The following NAV2 variants were observed in gnomAD, a reference collection of about 807,000 sequenced individuals.
The protein encoded by NAV2 is helicase, APC down-regulated 1.
NAV2 carries 54 observed loss-of-function variants against 223.2 expected under a neutral mutation model. That is an observed-to-expected ratio of 0.24 (90% CI 0.19 to 0.30). The LOEUF (loss-of-function observed/expected upper bound fraction) is 0.30. Among genes scored for constraint, NAV2 ranks in the 10% least tolerant of loss-of-function variants. The pLI is 1.00. For missense variants in NAV2, 2,806 were observed against 3,147.5 expected (o/e 0.89, Z 2.60); for synonymous variants, 1,279 against 1,239.3 (o/e 1.03, Z -0.67).
chr11:20,011,938 C>T (rs2053593800), intron 11 of NAV2, among the ~76,000 whole-genome samples: 1 of 152,190 alleles, frequency 6.6e-6, no homozygotes. Flanking sequence ...TGTGGGCTGC[C>T]AATAAAGCTT....
intron 1 of NAV2, among the ~76,000 whole-genome samples, chr11:19,452,653 G>A (rs1243667780): frequency 1.3e-5 from 2 of 152,158 alleles, no homozygotes; most frequent in African/African-American, 4.8e-5. Context: ...AATGTGCTTA[G>A]AACACTTACA....
In NAV2 at chr11:20,043,976, C is replaced by T; in HGVS notation, c.2908-5C>T. 6.2e-7 allele frequency: 1 copy of T among 1,612,274 alleles called. No homozygotes were observed. The highest frequency in any genetic ancestry group is 8.5e-7 in the Non-Finnish European group (1 of 1,178,456). On this transcript the variant is annotated splice_polypyrimidine_tract_variant and splice_region_variant and intron_variant, in intron 12 of 37. Coordinates refer to ENST00000349880, the MANE Select transcript of NAV2 (RefSeq NM_145117.5). ...AGGACTAATTCAGAGAGTCTCTGTC[C>T]ACAGACTGATGCTGAGAAGCACTCA...
intron 1 of NAV2, among the ~76,000 whole-genome samples, chr11:19,590,099 C>A (rs1435431951): frequency 1.3e-5 from 2 of 152,198 alleles, no homozygotes; most frequent in African/African-American, 2.4e-5. Context: ...AATTACTTAA[C>A]CACTGTGCCG....
chr11:19,853,906 A>T (rs560447091), intron 3 of NAV2, among the ~76,000 whole-genome samples: 1 of 152,174 alleles, frequency 6.6e-6, no homozygotes, highest in Non-Finnish European at 1.5e-5. Context: ...GTAGATGCTC[A>T]CTCAGTGAAT....
At chr11:19,668,441 G>A (rs578096986) in intron 1 of NAV2, among the ~76,000 whole-genome samples, 6 of 138,656 alleles carry the variant, frequency 4.3e-5, no homozygotes, top group South Asian at 2.3e-4. Context: ...GCTGAGGCAC[G>A]AGAATCTCTT....
chr11:19,877,546 C>T (rs2062930419), intron 4 of NAV2, among the ~76,000 whole-genome samples: 2 of 137,494 alleles, frequency 1.5e-5, no homozygotes, highest in South Asian at 2.5e-4. Context: ...GATCTTGGCT[C>T]ACTGCAAGCT....
chr11:19,766,880 C>T (rs2055270269), intron 1 of NAV2, among the ~76,000 whole-genome samples: 2 of 152,070 alleles, frequency 1.3e-5, no homozygotes, highest in Non-Finnish European at 1.5e-5. Context: ...GAGCCTAGGC[C>T]CCTTCCTAGG....
chr11:19,756,232 C>A (rs2054222665), intron 1 of NAV2, among the ~76,000 whole-genome samples: 1 of 152,108 alleles, frequency 6.6e-6, no homozygotes, highest in Non-Finnish European at 1.5e-5. Context: ...CAGACAAGGT[C>A]ATTCTAAGGG....
intron 4 of NAV2, among the ~76,000 whole-genome samples, chr11:19,877,066 C>T (rs2062884159): frequency 6.6e-6 from 1 of 151,968 alleles, no homozygotes; most frequent in African/African-American, 2.4e-5. Flanking sequence ...AGTCAAGTTA[C>T]ACAGTGTTAG....
chr11:20,070,333 C>T (rs563690935), intron 22 of NAV2, among the ~76,000 whole-genome samples: 2 of 152,258 alleles, frequency 1.3e-5, no homozygotes, highest in Admixed American at 1.3e-4. Context: ...AGCTACTCTC[C>T]TAGTTTAAGA....
At chr11:19,848,092 C>A (rs1207205408) in intron 3 of NAV2, among the ~76,000 whole-genome samples, 1 of 152,160 alleles carries the variant, frequency 6.6e-6, no homozygotes, top group Non-Finnish European at 1.5e-5. Flanking sequence ...GGTGCCCCTG[C>A]TGCATAGAGC....
chr11:20,047,020 A>C (rs2057510038), intron 14 of NAV2, among the ~76,000 whole-genome samples: 1 of 152,258 alleles, frequency 6.6e-6, no homozygotes, highest in Admixed American at 6.5e-5. Flanking sequence ...ATAATGAAGC[A>C]GTTCACTGTT....
intron 1 of NAV2, among the ~76,000 whole-genome samples, chr11:19,700,916 G>A (rs1211776945): frequency 6.6e-6 from 1 of 152,196 alleles, no homozygotes; most frequent in African/African-American, 2.4e-5. Context: ...AACATAAAAC[G>A]CTATTAGAAT....
intron 3 of NAV2, among the ~76,000 whole-genome samples, chr11:19,851,020 C>A (rs577296197): frequency 3.3e-4 from 51 of 152,298 alleles, no homozygotes; most frequent in Admixed American, 7.8e-4. Flanking sequence ...TGACTTTCCA[C>A]CATGCTTTTA....
chr11:19,964,492 C>CATTTTTTTT (rs60424234), intron 10 of NAV2, among the ~76,000 whole-genome samples: 3 of 146,606 alleles, frequency 2.0e-5, no homozygotes, highest in African/African-American at 7.6e-5. Context: ...TTTTCATCCT[C>CATTTTTTTT]TTTTTTTTTT....
At chr11:19,592,285 A>G (rs1193863724) in intron 1 of NAV2, among the ~76,000 whole-genome samples, 1 of 152,022 alleles carries the variant, frequency 6.6e-6, no homozygotes, top group Non-Finnish European at 1.5e-5. Flanking sequence ...CCGCTTAATG[A>G]TCAGGTTCTC....
chr11:19,678,285 T>C (rs2048776656), intron 1 of NAV2, among the ~76,000 whole-genome samples: 1 of 152,186 alleles, frequency 6.6e-6, no homozygotes, highest in Non-Finnish European at 1.5e-5. Flanking sequence ...ATGGGTACAA[T>C]TAGTATTCTC....
chr11:20,039,520 C>T (rs931039998), intron 12 of NAV2, among the ~76,000 whole-genome samples: 16 of 152,186 alleles, frequency 1.1e-4, no homozygotes. Context: ...CCATTCATGG[C>T]AGTTAACTAA....
chr11:19,556,942 G>A (rs2044914598), intron 1 of NAV2, among the ~76,000 whole-genome samples: 1 of 151,856 alleles, frequency 6.6e-6, no homozygotes, highest in South Asian at 2.1e-4. Flanking sequence ...GTCTTCTAGG[G>A]GATTTATGGA....
Sources: allele counts gnomAD v4.1 joint callset (sites outside exome capture counted in the v4.1 genomes callset), GRCh38; gene constraint gnomAD v4.1.1; transcripts MANE v1.5; gene names NCBI Gene and HGNC (gene_info 2026-07-23, HGNC 2026-07-21).